The following LRFN5 variants were observed in gnomAD, a reference collection of about 807,000 sequenced individuals.
LRFN5 encodes the protein leucine-rich repeat and fibronectin type-III domain-containing protein 5.
In LRFN5, 24 loss-of-function variants were observed where a neutral mutation model predicts 45.6. The ratio of observed to expected loss-of-function variants is 0.53; its 90% CI spans 0.38 to 0.74. LRFN5 has a LOEUF of 0.74. Ranked by LOEUF, LRFN5 falls within the 30% of genes least tolerant of loss-of-function variation. The pLI, the probability that LRFN5 is intolerant of heterozygous loss-of-function variation, is 0.00. For synonymous variants in LRFN5, 340 were observed against 313.8 expected, an observed-to-expected ratio of 1.08 and a Z score of -0.88; for missense variants, 776 against 861.5, an observed-to-expected ratio of 0.90 and a Z score of 1.24.
intron 1 of LRFN5, among the ~76,000 whole-genome samples, chr14:41,610,856 A>G (rs1887732955): frequency 6.6e-6 from 1 of 151,822 alleles, no homozygotes; most frequent in African/African-American, 2.4e-5. Context: ...TGTGTATTCT[A>G]AACGTCTGAC....
At chr14:41,728,928 C>G (rs959092896) in intron 1 of LRFN5, among the ~76,000 whole-genome samples, 3 of 152,070 alleles carry the variant, frequency 2.0e-5, no homozygotes, top group African/African-American at 7.2e-5. Flanking sequence ...TTTAAAGATT[C>G]ATCCATTTTT....
intron 1 of LRFN5, among the ~76,000 whole-genome samples, chr14:41,625,734 A>G (rs1373205649): frequency 6.6e-6 from 1 of 152,160 alleles, no homozygotes; most frequent in Non-Finnish European, 1.5e-5. Context: ...ATCTATTAAA[A>G]TGTGTATTTT....
intron 1 of LRFN5, among the ~76,000 whole-genome samples, chr14:41,610,754 A>AT (rs559873959): frequency 4.1e-4 from 57 of 138,878 alleles, no homozygotes; most frequent in Non-Finnish European, 8.2e-4. Flanking sequence ...TTAAAAAAGG[A>AT]TTTTTTTCTT....
At chr14:41,792,115 A>G (rs1039726335) in intron 2 of LRFN5, among the ~76,000 whole-genome samples, 5 of 152,090 alleles carry the variant, frequency 3.3e-5, no homozygotes, top group African/African-American at 9.7e-5. Context: ...GTGACATCAC[A>G]TATCGGTAGG....
chr14:41,888,896 T>C (rs575365303), intron 3 of LRFN5, among the ~76,000 whole-genome samples: 1 of 151,948 alleles, frequency 6.6e-6, no homozygotes, highest in South Asian at 2.1e-4. Flanking sequence ...ATAATTTCAC[T>C]TTGTGAGAGG....
At chr14:41,718,867 G>A (rs866215537) in intron 1 of LRFN5, among the ~76,000 whole-genome samples, 2 of 151,936 alleles carry the variant, frequency 1.3e-5, no homozygotes, top group Middle Eastern at 3.4e-3. Context: ...TAACAGGGAT[G>A]GAAGTTTATT....
At chr14:41,791,575 A>T (rs1886921788) in intron 2 of LRFN5, among the ~76,000 whole-genome samples, 1 of 152,100 alleles carries the variant, frequency 6.6e-6, no homozygotes, top group African/African-American at 2.4e-5. Context: ...TATGGGAAGT[A>T]AAAATTTCAA....
At chr14:41,868,784 C>A (rs1350179665) in intron 2 of LRFN5, among the ~76,000 whole-genome samples, 5 of 152,098 alleles carry the variant, frequency 3.3e-5, no homozygotes, top group Non-Finnish European at 7.4e-5. Context: ...ATTATTCATA[C>A]CGAAAAGTGC....
At chr14:41,697,732 A>G (rs1452446096) in intron 1 of LRFN5, among the ~76,000 whole-genome samples, 1 of 151,286 alleles carries the variant, frequency 6.6e-6, no homozygotes, top group East Asian at 1.9e-4. Context: ...CCTACTTAAG[A>G]TATGACTATT....
At chr14:41,676,297 C>G (rs1018511149) in intron 1 of LRFN5, among the ~76,000 whole-genome samples, 1 of 152,222 alleles carries the variant, frequency 6.6e-6, no homozygotes, top group Non-Finnish European at 1.5e-5. Context: ...CTAGTGCCCA[C>G]TCTGCGGATC....
At chr14:41,822,269 T>C (rs1888142049) in intron 2 of LRFN5, among the ~76,000 whole-genome samples, 1 of 152,046 alleles carries the variant, frequency 6.6e-6, no homozygotes, top group African/African-American at 2.4e-5. Context: ...TTGTGATCTT[T>C]TCTATCCTTT....
rs948313399 is a variant in LRFN5, at chr14:41,689,607, A to T, written c.-196-77247A>T. 1.2e-4 allele frequency among the ~76,000 whole-genome samples: 18 copies of T among 152,308 alleles called. 1 individual carries two copies. Among genetic ancestry groups the T allele is most frequent in the African/African-American group, 4.3e-4 (18 of 41,574 alleles). On this transcript the variant is annotated intron_variant, in intron 1 of 5. Coordinates refer to ENST00000298119, the MANE Select transcript of LRFN5 (RefSeq NM_152447.5). ...CAATGATAAAATTAGTATTTTAAAA[A>T]TTACTGGCCGGGCGCGGTGGCTCAC... is the stretch of plus-strand genomic sequence containing the variant.
chr14:41,677,284 G>C (rs1308856666), intron 1 of LRFN5, among the ~76,000 whole-genome samples: 3 of 152,098 alleles, frequency 2.0e-5, no homozygotes, highest in African/African-American at 7.2e-5. Flanking sequence ...TGAATAACGA[G>C]AGTCACTACA....
At chr14:41,740,425 A>G (rs182519985) in intron 1 of LRFN5, among the ~76,000 whole-genome samples, 139 of 152,132 alleles carry the variant, frequency 9.1e-4, no homozygotes, top group African/African-American at 3.3e-3. Flanking sequence ...TATTAACAAA[A>G]TGAAGAAGAA....
intron 5 of LRFN5, among the ~76,000 whole-genome samples, chr14:41,901,438 G>A (rs1891097627): frequency 7.4e-6 from 1 of 135,668 alleles, no homozygotes; most frequent in African/African-American, 3.2e-5. Flanking sequence ...TGCATTGTGT[G>A]TGTGTGTGTG....
Position 41,891,961 on chromosome 14 carries a change from A to G in LRFN5, c.2097A>G (p.Pro699=). ...GPTSKRAHIK[P]NALLTNVDQI... is the part of the protein sequence containing the mutation. ...CGTCTAAAAGAGCACATATAAAGCC[A>G]AGTAAGTTTATCACTTTGCCTGCTG... is the stretch of plus-strand genomic sequence containing the variant. Residue 699 remains proline, a splice_region_variant and synonymous_variant, in exon 4 of 6, where the codon CCA becomes CCG. Coordinates refer to ENST00000298119, the MANE Select transcript of LRFN5 (RefSeq NM_152447.5). 6.2e-7 allele frequency: 1 copy of G among 1,610,688 alleles called. No individual in the cohort carries two copies. The highest frequency in any genetic ancestry group is 1.1e-5 in the South Asian group (1 of 90,394).
Position 41,886,591 on chromosome 14 carries a change from T to C in LRFN5, c.-20-15T>C. On this transcript the variant is annotated splice_polypyrimidine_tract_variant and intron_variant, in intron 2 of 5. Coordinates refer to ENST00000298119, the MANE Select transcript of LRFN5 (RefSeq NM_152447.5). Reference sequence around the variant, plus strand: ...CACTGGATGCTAACATTCTATTTTGTGTCTTCCGTTACAGGCTCTTAAACC... The same window carrying C: ...CACTGGATGCTAACATTCTATTTTGCGTCTTCCGTTACAGGCTCTTAAACC... 6.8e-7 allele frequency: 1 copy of C among 1,476,656 alleles called. No individual in the cohort carries two copies. The highest frequency in any genetic ancestry group is 9.1e-7 in the Non-Finnish European group (1 of 1,097,262). The allele number at this position is 1,476,656 out of a possible 1,614,324, so 91.5% of individuals were successfully genotyped here.
intron 1 of LRFN5, among the ~76,000 whole-genome samples, chr14:41,718,577 C>T (rs962401977): frequency 6.6e-6 from 1 of 152,114 alleles, no homozygotes; most frequent in Non-Finnish European, 1.5e-5. Flanking sequence ...ATTTTGAATT[C>T]GTTTCTCATG....
rs1890641292 is a variant in LRFN5, at chr14:41,887,997, A to G, written c.1372A>G (p.Thr458Ala). 6.3e-7 allele frequency: 1 copy of G among 1,592,218 alleles called. No individual in the cohort carries two copies. Among genetic ancestry groups the G allele is most frequent in the Admixed American group, 1.8e-5 (1 of 56,806 alleles). Reference protein sequence around the residue: ...QIQYNGTYDDTLVYRMIPPTS... With the variant: ...QIQYNGTYDDALVYRMIPPTS... ...CCAGTACAATGGTACTTATGATGAC[A>G]CCCTTGTTTACAGGTAAGAAAAATT... Residue 458 changes from threonine to alanine, a missense_variant, in exon 3 of 6, where the codon ACC becomes GCC. Thr to Ala is a moderately conservative substitution (Grantham distance 58). Transcript: ENST00000298119. The surrounding 1 kb of genome is among the most constrained non-coding windows in gnomAD (Gnocchi z 4.8).
Sources: allele counts gnomAD v4.1 joint callset (sites outside exome capture counted in the v4.1 genomes callset), GRCh38; gene constraint gnomAD v4.1.1; non-coding constraint Gnocchi (gnomAD v3.1); transcripts MANE v1.5; gene names NCBI Gene and HGNC (gene_info 2026-07-23, HGNC 2026-07-21).